NEB: variants seen among roughly 807,000 people sequenced by gnomAD.
The protein encoded by NEB is nebulin.
In NEB, 512 loss-of-function variants were observed where a neutral mutation model predicts 952.2. The observed-to-expected ratio is 0.54, with a 90% CI of 0.50 to 0.58. The LOEUF (loss-of-function observed/expected upper bound fraction) is 0.58, where lower values mean the gene tolerates loss of function less well. Ranked by LOEUF, NEB falls within the 20% of genes least tolerant of loss-of-function variation. NEB has a pLI of 0.00. For synonymous variants in NEB, 2,900 were observed against 3,149.8 expected (o/e 0.92, Z 2.66); for missense variants, 8,428 against 9,231.1 (o/e 0.91, Z 3.56).
In NEB at chr2:151,627,793, G is replaced by A. The variant is rs2098552699; in HGVS notation, c.9873C>T (p.His3291=). 1.1e-5 allele frequency: 18 copies of A among 1,613,856 alleles called. No individual in the cohort carries two copies. The highest frequency in any genetic ancestry group is 1.4e-5 in the Non-Finnish European group (16 of 1,179,882). Residue 3291 remains histidine, a synonymous_variant, in exon 69 of 182, where the codon CAC becomes CAT. Transcript: ENST00000397345. ...KDGYRKQLGH[H]IGARNIEDDP... ...CATCTTCAATGTTCCGGGCTCCAAT[G>A]TGGTGGCCGAGCTGCTTGCGGTAAC...
chr2:151,581,855 A>C (rs2097110375), intron 102 of NEB, among the ~76,000 whole-genome samples: 1 of 144,560 alleles, frequency 6.9e-6, no homozygotes, highest in Non-Finnish European at 1.5e-5. Flanking sequence ...TACATAGCAT[A>C]AGCCACTGCA....
At chr2:151,698,216 C>CT (rs201877927) in intron 13 of NEB, among the ~76,000 whole-genome samples, 14 of 151,902 alleles carry the variant, frequency 9.2e-5, no homozygotes, top group Admixed American at 2.6e-4. Flanking sequence ...TTTTTTCTTT[C>CT]TTTTTTTTGT....
intron 117 of NEB, 28 bp from the exon 118 acceptor site, chr2:151,563,958 A>G: frequency 6.6e-7 from 1 of 1,520,786 alleles, no homozygotes; most frequent in African/African-American, 1.4e-5. Context: ...ATGGCAACAA[A>G]AGTTTTCTTT....
At position 151,630,816 on chromosome 2, in the gene NEB, A is replaced by T; in HGVS notation, c.9622T>A (p.Leu3208Ile). The change falls in exon 67 of 182, where the codon TTA becomes ATA. Residue 3208 changes from leucine to isoleucine, a missense_variant. Leu to Ile is a conservative substitution (Grantham distance 5). Around this residue, in one of 11 missense-constraint regions of NEB, gnomAD observed 1,772 missense variants for 1,960.3 expected, o/e 0.90. Transcript: ENST00000397345. ...TCTTTGTCCCAGGCCTCTGTGTATA[A>T]ACGCTATAAAAGAAGATAAGATGCT... is the stretch of plus-strand genomic sequence containing the variant. ...KNNALNMNKR[L>I]YTEAWDKDKT... The T allele has an allele frequency of 6.3e-7, 1 of 1,587,886 alleles. No individual in the cohort carries two copies. Among genetic ancestry groups the T allele is most frequent in the Non-Finnish European group, 8.6e-7 (1 of 1,166,532 alleles).
intron 72 of NEB, 49 bp from the exon 73 acceptor site, chr2:151,619,811 C>T: frequency 6.5e-7 from 1 of 1,538,400 alleles, no homozygotes; most frequent in Non-Finnish European, 8.8e-7. Flanking sequence ...AGGGCTATTC[C>T]CTGTTGTTCT....
chr2:151,697,042 T>G (rs1019730300), intron 16 of NEB, 106 bp downstream of exon 16: 42 of 813,582 alleles, frequency 5.2e-5, no homozygotes, highest in Non-Finnish European at 7.3e-5. Flanking sequence ...TTTCTTGCGA[T>G]TGCCTGGCTT....
chr2:151,723,430 A>T lies in NEB; in HGVS notation c.669T>A (p.Asp223Glu). The change falls in exon 9 of 182, where the codon GAT becomes GAA. Residue 223 changes from aspartate (D) to glutamate (E), a missense_variant. Asp to Glu is a conservative substitution (Grantham distance 45). Around this residue, in one of 11 missense-constraint regions of NEB, gnomAD observed 2,851 missense variants for 2,791.5 expected, o/e 1.02. Transcript: ENST00000397345. ...ADKSLFYPYNDSPELRRVAQA... is the reference protein window; with the variant it reads ...ADKSLFYPYNESPELRRVAQA... ...GGGCAACTCTCCTCAGTTCCGGGCT[A>T]TCATTATAGGGGTAAAACAAACTTT... is the stretch of plus-strand genomic sequence containing the variant. 6.2e-7 allele frequency: 1 copy of T among 1,610,660 alleles called. No homozygotes were observed.
intron 58 of NEB, 111 bp downstream of exon 58, chr2:151,643,039 A>G: frequency 4.7e-6 from 6 of 1,276,596 alleles, no homozygotes; most frequent in Non-Finnish European, 6.6e-6. Flanking sequence ...TTAAAACCAC[A>G]TTAGTACCAA....
rs764639965 is a variant in NEB, at chr2:151,631,277, C to G, written c.9484G>C (p.Val3162Leu). Residue 3162 changes from valine (V) to leucine (L), a missense_variant, in exon 66 of 182, where the codon GTC becomes CTC. Physicochemically the swap from Val to Leu is conservative, Grantham distance 32. Transcript: ENST00000397345. ...ATTTCGGTAGCTCTCTTGCACTTGA[C>G]CACATCCATAGACCCAATGGGGACC... ...GWVPIGSMDV[V>L]KCKRATEILS... 1 of 1,613,892 alleles carries G rather than the reference C, an allele frequency of 6.2e-7. No homozygotes were observed. The highest frequency in any genetic ancestry group is 8.5e-7 in the Non-Finnish European group (1 of 1,179,856).
chr2:151,577,803 T>C (rs7422136), intron 105 of NEB, among the ~76,000 whole-genome samples: 99,639 of 152,046 alleles, frequency 0.66, 32,953 homozygotes, highest in East Asian at 0.79. Context: ...GATCTTGAAA[T>C]TCTGGACCTT....
chr2:151,645,093 T>C (rs955920262), intron 55 of NEB, among the ~76,000 whole-genome samples: 8 of 152,254 alleles, frequency 5.3e-5, no homozygotes, highest in African/African-American at 1.9e-4. Context: ...ACCACCGTCC[T>C]GTATGTGTGC....
chr2:151,577,876 G>GC (rs1172445339), intron 105 of NEB, among the ~76,000 whole-genome samples: 2 of 152,156 alleles, frequency 1.3e-5, no homozygotes, highest in East Asian at 1.9e-4. Context: ...ACAGCGCCCA[G>GC]CCTATGTCAT....
At chr2:151,511,752 A>T (rs2074536011) in intron 161 of NEB, among the ~76,000 whole-genome samples, 1 of 152,202 alleles carries the variant, frequency 6.6e-6, no homozygotes, top group Admixed American at 6.5e-5. Flanking sequence ...CTCTATTTGT[A>T]GGAAGATGAT....
chr2:151,492,424 A>G lies in NEB; in HGVS notation c.24836T>C (p.Met8279Thr), dbSNP rs1340719168. Residue 8279 changes from methionine (M) to threonine (T), a missense_variant, in exon 177 of 182, where the codon ATG (methionine) becomes ACG (threonine). By Grantham distance (81) the Met-to-Thr change is moderately conservative. Transcript: ENST00000397345. ...CCGTTGGGTCTCCCTCACCCGTCTC[A>G]TCTCGGGGGTATCCAATACATAGGC... ...KAAYVLDTPE[M>T]RRVRETQRHI... 5 of 1,608,962 alleles carry G rather than the reference A, an allele frequency of 3.1e-6. No homozygotes were observed. The highest frequency in any genetic ancestry group is 1.7e-5 in the Admixed American group (1 of 59,418).
chr2:151,485,865 A>G lies in NEB; in HGVS notation c.25473T>C (p.Asp8491=). The G allele has an allele frequency of 6.2e-7, 1 of 1,614,028 alleles. No individual in the cohort carries two copies. The highest frequency in any genetic ancestry group is 8.5e-7 in the Non-Finnish European group (1 of 1,179,870). The change falls in exon 182 of 182, where the codon GAT becomes GAC. Residue 8491 remains aspartate, a synonymous_variant. Coordinates refer to ENST00000397345, the MANE Select transcript of NEB (RefSeq NM_001164508.2). ...CAATTGCTTGAACATTTATGATGGC[A>G]TCTCCATCCTTGAAGGACACCTCAT... The part of the protein sequence containing the change: ...DADEVSFKDG[D]AIINVQAIDE...
chr2:151,498,750 A>G (rs753482224), intron 169 of NEB, among the ~76,000 whole-genome samples: 1 of 152,204 alleles, frequency 6.6e-6, no homozygotes, highest in Non-Finnish European at 1.5e-5. Context: ...GGGTTTTACA[A>G]ACATTGTGTA....
At position 151,707,009 on chromosome 2, in the gene NEB, A is replaced by C. The variant is rs199974460; in HGVS notation, c.1036-12T>G. The C allele has an allele frequency of 7.3e-6, 11 of 1,510,396 alleles. No individual in the cohort carries two copies. Among genetic ancestry groups the C allele is most frequent in the Middle Eastern group, 1.8e-4 (1 of 5,500 alleles). 93.6% of individuals were successfully genotyped at this position (1,510,396 alleles called of 1,614,324 possible). A position where few individuals can be genotyped will look rare whatever the true frequency, so the allele number is the denominator to read the frequency against. On this transcript the variant is annotated splice_polypyrimidine_tract_variant and intron_variant, in intron 12 of 181. Coordinates refer to ENST00000397345, the MANE Select transcript of NEB (RefSeq NM_001164508.2). Reference sequence around the variant, plus strand: ...TCTTTGTATTTTACCTGTAGGAGTGAAATAAAATGATAAAGTAACTCTATG... The same window carrying C: ...TCTTTGTATTTTACCTGTAGGAGTGCAATAAAATGATAAAGTAACTCTATG...
chr2:151,502,238 G>A (rs1194283771), intron 167 of NEB, among the ~76,000 whole-genome samples: 3 of 152,028 alleles, frequency 2.0e-5, no homozygotes, highest in Non-Finnish European at 2.9e-5. Flanking sequence ...GAAGTGAGGC[G>A]AGGGAATAAA....
At chr2:151,491,635 A>G (rs975015633) in intron 179 of NEB, 48 bp downstream of exon 179, 2 of 1,405,596 alleles carry the variant, frequency 1.4e-6, no homozygotes, top group Non-Finnish European at 2.0e-6. Context: ...TGACTCTAGC[A>G]TACTAAATGG....
Sources: gnomAD v4.1 joint callset for allele counts (sites outside exome capture counted in the v4.1 genomes callset) on GRCh38, gnomAD v4.1.1 for gene constraint, gnomAD v4.1.1 regional missense constraint, MANE v1.5 for transcripts, NCBI Gene and HGNC (gene_info 2026-07-23, HGNC 2026-07-21) for gene names.